The following DDAH1 variants were observed in gnomAD, a reference collection of about 807,000 sequenced individuals.
The protein encoded by DDAH1 is N(G),N(G)-dimethylarginine dimethylaminohydrolase 1.
DDAH1 carries 19 observed loss-of-function variants against 28.8 expected under a neutral mutation model. The observed-to-expected ratio is 0.66, with a 90% CI of 0.46 to 0.97. The LOEUF (loss-of-function observed/expected upper bound fraction) is 0.97, where lower values mean the gene tolerates loss of function less well. Ranked by LOEUF, DDAH1 falls within the 50% of genes least tolerant of loss-of-function variation. The probability of loss-of-function intolerance (pLI) is 0.00; values close to 1 mark genes in which losing one functional copy is unlikely to be tolerated. For synonymous variants in DDAH1, 153 were observed against 154.4 expected, an observed-to-expected ratio of 0.99 and a Z score of 0.07; for missense variants, 326 against 375.9, an observed-to-expected ratio of 0.87 and a Z score of 1.10.
At chr1:85,426,157 A>G (rs924697912) in intron 1 of DDAH1, among the ~76,000 whole-genome samples, 2 of 152,140 alleles carry the variant, frequency 1.3e-5, no homozygotes, top group Non-Finnish European at 2.9e-5. Flanking sequence ...CAAATATTTA[A>G]TTTTCATAAA....
At chr1:85,514,837 T>G (rs1328612709) in intron 1 of DDAH1, among the ~76,000 whole-genome samples, 3 of 152,270 alleles carry the variant, frequency 2.0e-5, no homozygotes, top group African/African-American at 7.2e-5. Context: ...TGTCCTAAAC[T>G]TACCTTGTAG....
intron 1 of DDAH1, among the ~76,000 whole-genome samples, chr1:85,372,778 T>A (rs891733510): frequency 2.0e-5 from 3 of 152,130 alleles, no homozygotes; most frequent in African/African-American, 7.2e-5. Context: ...CAGAGTATAA[T>A]GAAATTAGAT....
chr1:85,352,808 A>C (rs182114227), intron 2 of DDAH1, among the ~76,000 whole-genome samples: 2 of 152,118 alleles, frequency 1.3e-5, no homozygotes, highest in East Asian at 3.9e-4. Flanking sequence ...GTTTTGTTAT[A>C]TGTCACTTCG....
In DDAH1 at chr1:85,487,539, T is replaced by C. The variant is rs1656244933; in HGVS notation, c.-7+8627A>G. Among the ~76,000 whole-genome samples, 3 of 152,364 alleles carry C rather than the reference T, an allele frequency of 2.0e-5. No individual in the cohort carries two copies. The South Asian group carries it at 6.2e-4, about 32-fold the overall frequency. The stretch of plus-strand genomic sequence containing the variant: ...TATTTTTCTTCTTTGAATATAATCT[T>C]ATTTTTCCAAATGAAATGTTTTTGT... On this transcript the variant is annotated intron_variant, in intron 2 of 6. Coordinates refer to the DDAH1 transcript ENST00000426972.
intron 2 of DDAH1, among the ~76,000 whole-genome samples, chr1:85,483,211 CAAA>C (rs57500608): frequency 4.1e-5 from 4 of 96,940 alleles, no homozygotes; most frequent in Non-Finnish European, 4.4e-5. Flanking sequence ...GAGACTATCT[CAAA>C]AAAAAAAAAA....
intron 1 of DDAH1, among the ~76,000 whole-genome samples, chr1:85,393,316 C>G (rs1166447511): frequency 6.6e-6 from 1 of 152,210 alleles, no homozygotes; most frequent in East Asian, 1.9e-4. Context: ...CAGTCTCTCC[C>G]TCAAAATAAA....
upstream of DDAH1, chr1:85,465,296 T>C (rs1330138797): frequency 2.4e-6 from 2 of 847,402 alleles, no homozygotes; most frequent in Non-Finnish European, 2.8e-6. Context: ...CAGGCGGGAG[T>C]TGTAGCGGCG....
At chr1:85,545,989 C>T (rs978506707) in intron 1 of DDAH1, among the ~76,000 whole-genome samples, 46 of 152,060 alleles carry the variant, frequency 3.0e-4, no homozygotes, top group African/African-American at 1.1e-3. Context: ...TGTTCCTGCT[C>T]GTAAAATGGG....
At chr1:85,446,606 G>C (rs937239665) in intron 1 of DDAH1, among the ~76,000 whole-genome samples, 6 of 152,028 alleles carry the variant, frequency 3.9e-5, no homozygotes, top group African/African-American at 1.4e-4. Context: ...AAGACATCAA[G>C]GTGGAATTTC....
At chr1:85,331,663 G>A (rs1414781756) in intron 4 of DDAH1, among the ~76,000 whole-genome samples, 1 of 152,150 alleles carries the variant, frequency 6.6e-6, no homozygotes, top group Non-Finnish European at 1.5e-5. Flanking sequence ...TATAGCTATG[G>A]ATAACATTCT....
chr1:85,567,492 C>A (rs1317095257), intron 1 of DDAH1, among the ~76,000 whole-genome samples: 2 of 152,196 alleles, frequency 1.3e-5, no homozygotes, highest in Non-Finnish European at 2.9e-5. Context: ...GTGACTTGCT[C>A]CTTTTTGCCT....
At chr1:85,458,424 CTTTTTTTTTTTT>C (rs3058826) in intron 1 of DDAH1, among the ~76,000 whole-genome samples, 1 of 101,760 alleles carries the variant, frequency 9.8e-6, no homozygotes, top group African/African-American at 3.9e-5. Context: ...TACACACACA[CTTTTTTTTTTTT>C]TTTTTTTTTT....
chr1:85,320,926 G>A lies in DDAH1; in HGVS notation c.*526C>T, dbSNP rs1661301860. 2 of 152,184 alleles carry A rather than the reference G, an allele frequency of 1.3e-5. No individual in the cohort carries two copies. The highest frequency in any genetic ancestry group is 6.5e-5 in the Admixed American group (1 of 15,278). 9.4% of individuals were successfully genotyped at this position (152,184 alleles called of 1,614,324 possible). A position where few individuals can be genotyped will look rare whatever the true frequency, so the allele number is the denominator to read the frequency against. The stretch of plus-strand genomic sequence containing the variant: ...AGGTAGCCAGAAGGAAAGACCTTGG[G>A]TTTTACCCAAGGTCAAGGTGGCTGT... On this transcript the variant is annotated 3_prime_UTR_variant, in exon 6 of 6. Coordinates refer to ENST00000284031, the MANE Select transcript of DDAH1 (RefSeq NM_012137.4).
At chr1:85,396,860 C>A (rs1196202980) in intron 1 of DDAH1, among the ~76,000 whole-genome samples, 2 of 151,756 alleles carry the variant, frequency 1.3e-5, no homozygotes, top group Non-Finnish European at 2.9e-5. Context: ...CATGGTAAAA[C>A]CCTATTGCTA....
At chr1:85,435,966 G>T (rs2389949) in intron 1 of DDAH1, among the ~76,000 whole-genome samples, 130,572 of 150,798 alleles carry the variant, frequency 0.87, 56,725 homozygotes, top group Middle Eastern at 0.93. Context: ...AATTTTGTGT[G>T]TGTGTGTGTG....
intron 1 of DDAH1, among the ~76,000 whole-genome samples, chr1:85,361,661 T>A (rs527621702): frequency 6.6e-6 from 1 of 152,232 alleles, no homozygotes; most frequent in South Asian, 2.1e-4. Flanking sequence ...TCATGCTACA[T>A]GCACTTTGCA....
intron 4 of DDAH1, among the ~76,000 whole-genome samples, chr1:85,327,659 C>T (rs1228586415): frequency 6.6e-6 from 1 of 152,140 alleles, no homozygotes; most frequent in Non-Finnish European, 1.5e-5. Flanking sequence ...CAGCCACACA[C>T]TAATTGTGTG....
chr1:85,391,682 A>G (rs942487130), intron 1 of DDAH1, among the ~76,000 whole-genome samples: 87 of 152,214 alleles, frequency 5.7e-4, no homozygotes, highest in Non-Finnish European at 7.2e-4. Context: ...ACTTTTTGAA[A>G]GCCATTACCA....
chr1:85,467,844 A>T (rs529979583), upstream of DDAH1, among the ~76,000 whole-genome samples: 5 of 152,368 alleles, frequency 3.3e-5, no homozygotes, highest in South Asian at 2.1e-4. Flanking sequence ...CAAAGACATG[A>T]TCCTTACCTT....
Sources: gnomAD v4.1 joint callset for allele counts (sites outside exome capture counted in the v4.1 genomes callset) on GRCh38, gnomAD v4.1.1 for gene constraint, MANE v1.5 for transcripts, NCBI Gene and HGNC (gene_info 2026-07-23, HGNC 2026-07-21) for gene names.